The following FMN2 variants were observed in gnomAD, a reference collection of about 807,000 sequenced individuals.
FMN2 encodes the protein formin 2.
In FMN2, 51 loss-of-function variants were observed where a neutral mutation model predicts 142.3. That is an observed-to-expected ratio of 0.36 (90% CI 0.29 to 0.45). FMN2 has a LOEUF of 0.45. Among genes scored for constraint, FMN2 ranks in the 20% least tolerant of loss-of-function variants. The pLI, the probability that FMN2 is intolerant of heterozygous loss-of-function variation, is 1.00. For synonymous variants in FMN2, 882 were observed against 869.8 expected (o/e 1.01, Z -0.25); for missense variants, 1,936 against 2,122.8 (o/e 0.91, Z 1.73).
chr1:240,208,808 A>AT (rs1666561298), intron 5 of FMN2, 76 bp downstream of exon 5: 10 of 1,495,448 alleles, frequency 6.7e-6, no homozygotes, highest in Non-Finnish European at 9.0e-6. Flanking sequence ...ACTCGGGAAA[A>AT]TTACTGTTGA....
chr1:240,315,400 A>C (rs1369179257), intron 8 of FMN2, among the ~76,000 whole-genome samples: 2 of 152,210 alleles, frequency 1.3e-5, no homozygotes, highest in African/African-American at 4.8e-5. Flanking sequence ...TGATTGCAAC[A>C]ACTGAAATTT....
chr1:240,093,290 C>T lies in FMN2; in HGVS notation c.1181C>T (p.Ala394Val), dbSNP rs1421491055. Residue 394 changes from alanine to valine, a missense_variant, in exon 1 of 18, where the codon GCC becomes GTC. By Grantham distance (64) the Ala-to-Val change is moderately conservative. Coordinates refer to ENST00000319653, the MANE Select transcript of FMN2 (RefSeq NM_020066.5). ...GCGCAAGGACCTGACGCCCCCGCGG[C>T]CGCTTCCCTGCCCGGCAGCCCCGCG... Reference protein sequence around the residue: ...EEAQGPDAPAAASLPGSPAPS... With the variant: ...EEAQGPDAPAVASLPGSPAPS... The T allele has an allele frequency of 6.2e-7, 1 of 1,608,596 alleles. No individual in the cohort carries two copies. The highest frequency in any genetic ancestry group is 1.1e-5 in the South Asian group (1 of 90,564).
At chr1:240,295,208 AC>A (rs1167198155) in intron 8 of FMN2, among the ~76,000 whole-genome samples, 8 of 151,672 alleles carry the variant, frequency 5.3e-5, no homozygotes, top group Non-Finnish European at 1.2e-4. Context: ...ACACACACAC[AC>A]ACACACACAC....
In FMN2 at chr1:240,206,930, T is replaced by C. The variant is rs1240392019; in HGVS notation, c.2118T>C (p.Ser706=). The part of the protein sequence containing the change: ...QYPALDTEVA[S]GHQGLENGVT... ...CTGCCCTGGACACAGAGGTGGCCAG[T>C]GGTCATCAAGGGCTTGAGAATGGAG... is the stretch of plus-strand genomic sequence containing the variant. Residue 706 remains serine, a synonymous_variant, in exon 5 of 18, where the codon AGT becomes AGC. Transcript: ENST00000319653. 6 of 1,613,988 alleles carry C rather than the reference T, an allele frequency of 3.7e-6. No homozygotes were observed. The highest frequency in any genetic ancestry group is 4.2e-6 in the Non-Finnish European group (5 of 1,180,018).
At chr1:240,135,733 G>A (rs1662910888) in intron 2 of FMN2, among the ~76,000 whole-genome samples, 1 of 148,498 alleles carries the variant, frequency 6.7e-6, no homozygotes, top group South Asian at 2.1e-4. Context: ...CAGTTGGAGT[G>A]CAGTGGTGCG....
intron 13 of FMN2, among the ~76,000 whole-genome samples, chr1:240,348,644 C>G (rs550513723): frequency 1.2e-4 from 18 of 151,934 alleles, no homozygotes; most frequent in Non-Finnish European, 2.5e-4. Flanking sequence ...AAAAGAGTCC[C>G]CAGTTGATTC....
At chr1:240,388,227 C>CAAAAAAAAAAA (rs761610582) in intron 14 of FMN2, among the ~76,000 whole-genome samples, 13 of 6,056 alleles carry the variant, frequency 2.1e-3, no homozygotes, top group African/African-American at 3.3e-3. Context: ...GTGCTCAAAG[C>CAAAAAAAAAAA]AAAAAAAAAA....
At chr1:240,417,140 G>C (rs1292576682) in intron 15 of FMN2, among the ~76,000 whole-genome samples, 2 of 148,314 alleles carry the variant, frequency 1.3e-5, no homozygotes, top group Non-Finnish European at 3.0e-5. Context: ...ATTACACTTA[G>C]TTTGGGATCT....
chr1:240,430,061 G>A (rs115776832), intron 15 of FMN2, among the ~76,000 whole-genome samples: 5,040 of 151,660 alleles, frequency 0.033, 267 homozygotes, highest in African/African-American at 0.12. Flanking sequence ...AACGTTTTGT[G>A]TTTTTTAGTA....
In FMN2 at chr1:240,353,826, A is replaced by T. The variant is rs193006020; in HGVS notation, c.4766-1990A>T. Among the ~76,000 whole-genome samples the T allele has an allele frequency of 2.6e-4, 40 of 152,300 alleles. No individual in the cohort carries two copies. In the East Asian group the frequency reaches 6.6e-3, roughly 25 times the overall value. ...ACAGCCTTAACTCTGTATGCACAAG[A>T]TGCCCTGGAATCACCAAAGAAGGAC... On this transcript the variant is annotated intron_variant, in intron 13 of 17. Coordinates refer to ENST00000319653, the MANE Select transcript of FMN2 (RefSeq NM_020066.5).
intron 6 of FMN2, among the ~76,000 whole-genome samples, chr1:240,248,768 G>A (rs1006058593): frequency 1.3e-5 from 2 of 151,788 alleles, no homozygotes; most frequent in Non-Finnish European, 2.9e-5. Context: ...TTTTAACTGG[G>A]TAAGATAATA....
chr1:240,092,147 G>C lies in FMN2; in HGVS notation c.38G>C (p.Gly13Ala). ...NQDGKLKRSA[G>A]DALHEGGGGA... ...GATGGGAAGCTGAAGAGGAGCGCAG[G>C]TGATGCTTTGCACGAAGGCGGCGGT... Residue 13 changes from glycine (G) to alanine (A), a missense_variant, in exon 1 of 18, where the codon GGT becomes GCT. This residue lies in a region of FMN2 where 751 missense variants were observed against 791.8 expected (regional missense o/e 0.95). Transcript: ENST00000319653. 6.4e-7 allele frequency: 1 copy of C among 1,567,788 alleles called. No homozygotes were observed. The highest frequency in any genetic ancestry group is 8.6e-7 in the Non-Finnish European group (1 of 1,156,686).
chr1:240,127,151 G>C (rs1380734529), intron 2 of FMN2, among the ~76,000 whole-genome samples: 1 of 148,452 alleles, frequency 6.7e-6, no homozygotes, highest in Admixed American at 6.8e-5. Context: ...ACGGAGTCTC[G>C]CTCTATTGCC....
rs1268030563 is a variant in FMN2, at chr1:240,101,510, GTGTGTGTGTGCCTGTGTGTCTGTGT to G, written c.1615+7797_1615+7821del. ...TAGGACCGTGTGTGTGTGTGTGTAT[GTGTGTGTGTGCCTGTGTGTCTGTGT>G]TGTGTGTGTGTGTGTTTGAGACAGG... On this transcript the variant is annotated intron_variant, in intron 1 of 17. Transcript: ENST00000319653. 3.4e-3 allele frequency among the ~76,000 whole-genome samples: 517 copies of G among 150,508 alleles called. 1 individual carries two copies. The highest frequency in any genetic ancestry group is 0.012 in the African/African-American group (476 of 41,324).
chr1:240,205,430 T>A (rs1179072159), intron 4 of FMN2, among the ~76,000 whole-genome samples: 2 of 151,796 alleles, frequency 1.3e-5, no homozygotes, highest in Non-Finnish European at 2.9e-5. Flanking sequence ...TTAAATAATT[T>A]ACCCTTAAGA....
chr1:240,462,538 G>C (rs1676479651), intron 16 of FMN2, among the ~76,000 whole-genome samples: 1 of 152,108 alleles, frequency 6.6e-6, no homozygotes, highest in African/African-American at 2.4e-5. Context: ...CAAAAAACAA[G>C]TGATTTCAAT....
intron 8 of FMN2, among the ~76,000 whole-genome samples, chr1:240,328,147 C>CAAAAAAAAAAG: frequency 1.9e-5 from 1 of 51,426 alleles, no homozygotes. Context: ...GACCCCATCT[C>CAAAAAAAAAAG]AAAAAAAAAA....
intron 1 of FMN2, among the ~76,000 whole-genome samples, chr1:240,122,915 A>T (rs192245120): frequency 6.6e-6 from 1 of 152,202 alleles, no homozygotes. Context: ...GAAGCTGTAT[A>T]GCCCATAACT....
chr1:240,348,514 C>T (rs973638724), intron 13 of FMN2, among the ~76,000 whole-genome samples: 1 of 140,052 alleles, frequency 7.1e-6, no homozygotes. Flanking sequence ...TGAGCCACCG[C>T]GCCCAGCCTA....
Sources: allele counts gnomAD v4.1 joint callset (sites outside exome capture counted in the v4.1 genomes callset), GRCh38; gene constraint gnomAD v4.1.1; regional missense constraint gnomAD v4.1.1; transcripts MANE v1.5; gene names NCBI Gene and HGNC (gene_info 2026-07-23, HGNC 2026-07-21).